Variants in GRAMD1A observed in about 807,000 individuals in gnomAD.
The protein encoded by GRAMD1A is GRAM domain containing 1A.
GRAMD1A carries 50 observed loss-of-function variants against 92.0 expected under a neutral mutation model. The ratio of observed to expected loss-of-function variants is 0.54; its 90% CI spans 0.43 to 0.69. The LOEUF (loss-of-function observed/expected upper bound fraction) is 0.69, where lower values mean the gene tolerates loss of function less well. Ranked by LOEUF, GRAMD1A falls within the 30% of genes least tolerant of loss-of-function variation. The probability of loss-of-function intolerance (pLI) is 0.00; values close to 1 mark genes in which losing one functional copy is unlikely to be tolerated. For missense variants in GRAMD1A, 819 were observed against 978.9 expected (o/e 0.84, Z 2.18); for synonymous variants, 405 against 403.6 (o/e 1.00, Z -0.04).
Position 35,009,144 on chromosome 19 carries a change from A to G in GRAMD1A, c.34A>G (p.Thr12Ala). The change falls in exon 2 of 20, where the codon ACG becomes GCG. Residue 12 changes from threonine (T) to alanine (A), a missense_variant. By Grantham distance (58) the Thr-to-Ala change is moderately conservative. Transcript: ENST00000317991. The stretch of plus-strand genomic sequence containing the variant: ...CACCACACCCCACTCTGGCCGGAGC[A>G]CGCCAAGCAGCTCCCCATCGCTCCG... The part of the protein sequence containing the change: ...FDTTPHSGRS[T>A]PSSSPSLRKR... The G allele has an allele frequency of 6.2e-7, 1 of 1,613,406 alleles. No individual in the cohort carries two copies. Among genetic ancestry groups the G allele is most frequent in the Non-Finnish European group, 8.5e-7 (1 of 1,179,490 alleles).
upstream of GRAMD1A, among the ~76,000 whole-genome samples, chr19:34,998,774 T>G (rs1370430761): frequency 2.8e-4 from 26 of 93,184 alleles, no homozygotes; most frequent in Admixed American, 4.4e-4. Flanking sequence ...GTTTTAGAGG[T>G]GGGGGTTAGC....
chr19:35,019,315 C>T lies in GRAMD1A; in HGVS notation c.1332+6C>T. On this transcript the variant is annotated splice_donor_region_variant and intron_variant, in intron 12 of 19. Coordinates refer to ENST00000317991, the MANE Select transcript of GRAMD1A (RefSeq NM_020895.5). The stretch of plus-strand genomic sequence containing the variant: ...CCTCCGTGGTGGAGACACAGGTGGG[C>T]CAGGTGGGGCAGCCGAGTGGGTGGG... 3.7e-6 allele frequency: 6 copies of T among 1,611,708 alleles called. No homozygotes were observed. Among genetic ancestry groups the T allele is most frequent in the African/African-American group, 2.7e-5 (2 of 75,010 alleles).
chr19:35,010,330 C>T lies in GRAMD1A; in HGVS notation c.476C>T (p.Thr159Met), dbSNP rs755034748. 55 of 1,613,726 alleles carry T rather than the reference C, an allele frequency of 3.4e-5. No homozygotes were observed. In the East Asian group the frequency reaches 7.1e-4, roughly 21 times the overall value. Residue 159 changes from threonine (T) to methionine (M), a missense_variant, in exon 6 of 20, where the codon ACG becomes ATG. Transcript: ENST00000317991. ...GTGACATGTCTGAAGAAGGAAAAGA[C>T]GGCCAAGCTGATCCCCAACGCCATC... Reference protein sequence around the residue: ...KEVTCLKKEKTAKLIPNAIQI... With the variant: ...KEVTCLKKEKMAKLIPNAIQI...
chr19:35,001,118 CTG>C (rs939899775), intron 1 of GRAMD1A: 1 of 152,480 alleles, frequency 6.6e-6, no homozygotes. Context: ...GTGCTTCCGA[CTG>C]TGAATTGTCT....
chr19:35,014,100 G>C lies in GRAMD1A; in HGVS notation c.871-89G>C. The C allele has an allele frequency of 2.4e-6, 3 of 1,262,698 alleles. No individual in the cohort carries two copies. In the East Asian group the frequency reaches 7.1e-5, roughly 30 times the overall value. The allele number at this position is 1,262,698 out of a possible 1,614,324, so 78.2% of individuals were successfully genotyped here. A position where few individuals can be genotyped will look rare whatever the true frequency, so the allele number is the denominator to read the frequency against. ...GCACACACCACCCCGGGTCTGCACA[G>C]GCTCTGGAATCCTTGTGGCCAGTGT... On this transcript the variant is annotated intron_variant, in intron 9 of 19. Coordinates refer to ENST00000317991, the MANE Select transcript of GRAMD1A (RefSeq NM_020895.5).
At chr19:35,001,621 C>A (rs911443251) in intron 1 of GRAMD1A, among the ~76,000 whole-genome samples, 5 of 135,436 alleles carry the variant, frequency 3.7e-5, no homozygotes, top group Admixed American at 3.7e-4. Context: ...TTTTTTTTTT[C>A]TTTTGAAATA....
rs567136894 is a variant in GRAMD1A at position 35,006,845 on chromosome 19, C to T, written c.9-2274C>T. ...ACACTCCAGATAGCCTGGGGTGTGG[C>T]GACAGAGGTGCCTGCCTTAGGCTGG... On this transcript the variant is annotated intron_variant, in intron 1 of 19. Coordinates refer to ENST00000317991, the MANE Select transcript of GRAMD1A (RefSeq NM_020895.5). 2.4e-4 allele frequency among the ~76,000 whole-genome samples: 37 copies of T among 152,228 alleles called. 1 individual carries two copies. In the South Asian group the frequency reaches 5.2e-3, roughly 21 times the overall value.
At chr19:35,007,030 G>C (rs575030030) in intron 1 of GRAMD1A, among the ~76,000 whole-genome samples, 1 of 152,326 alleles carries the variant, frequency 6.6e-6, no homozygotes, top group African/African-American at 2.4e-5. Context: ...GGCCAGGGGA[G>C]AGGAAGGACA....
At chr19:35,014,494 G>A in intron 10 of GRAMD1A, 107 bp downstream of exon 10, 2 of 954,336 alleles carry the variant, frequency 2.1e-6, no homozygotes, top group Non-Finnish European at 3.3e-6. Context: ...CCAGGGGCAG[G>A]CGGGATGGCG....
chr19:35,003,713 G>C (rs1279339347), intron 1 of GRAMD1A, among the ~76,000 whole-genome samples: 1 of 152,194 alleles, frequency 6.6e-6, no homozygotes, highest in Non-Finnish European at 1.5e-5. Flanking sequence ...AGTGCTGTCT[G>C]GGTGAAGCCA....
At chr19:35,006,480 T>C (rs2014825229) in intron 1 of GRAMD1A, among the ~76,000 whole-genome samples, 1 of 152,192 alleles carries the variant, frequency 6.6e-6, no homozygotes, top group South Asian at 2.1e-4. Context: ...GAGCTTGACA[T>C]ATTTCCTGAT....
At chr19:35,009,497 C>T in intron 3 of GRAMD1A, 54 bp downstream of exon 3, 1 of 1,581,242 alleles carries the variant, frequency 6.3e-7, no homozygotes, top group Non-Finnish European at 8.7e-7. Flanking sequence ...GGGTGCTGGG[C>T]CAGGAGCCCC....
At chr19:35,009,350 G>A in intron 2 of GRAMD1A, 21 bp downstream of exon 2, 1 of 1,613,686 alleles carries the variant, frequency 6.2e-7, no homozygotes, top group East Asian at 2.2e-5. Flanking sequence ...GCCCAGGTGG[G>A]GTGGGGAGAG....
chr19:35,012,513 G>A (rs530021252), intron 7 of GRAMD1A, among the ~76,000 whole-genome samples: 1 of 152,350 alleles, frequency 6.6e-6, no homozygotes, highest in Non-Finnish European at 1.5e-5. Flanking sequence ...CAAGGCTCCC[G>A]AGGACACCTG....
At chr19:35,024,479 T>TGCG in intron 19 of GRAMD1A, among the ~76,000 whole-genome samples, 1 of 149,256 alleles carries the variant, frequency 6.7e-6, no homozygotes, top group Non-Finnish European at 1.5e-5. Flanking sequence ...GGCCAGCAGT[T>TGCG]GTGGTGGGTC....
At chr19:35,024,055 A>T (rs2016273659) in intron 19 of GRAMD1A, among the ~76,000 whole-genome samples, 1 of 152,206 alleles carries the variant, frequency 6.6e-6, no homozygotes, top group African/African-American at 2.4e-5. Flanking sequence ...AGACTCTCCA[A>T]AGGACCTGAG....
intron 17 of GRAMD1A, 101 bp downstream of exon 17, chr19:35,023,012 G>A (rs911244025): frequency 3.1e-5 from 31 of 995,020 alleles, no homozygotes; most frequent in Non-Finnish European, 4.6e-5. Context: ...CCAGGGAGGT[G>A]GCCTGGCATG....
chr19:34,998,611 ATAT>A (rs2014143007), upstream of GRAMD1A: 1 of 152,086 alleles, frequency 6.6e-6, no homozygotes. Flanking sequence ...CCTGAAATAA[ATAT>A]TATTTAATTA....
Position 35,021,805 on chromosome 19 carries a change from G to A in GRAMD1A, c.1694G>A (p.Gly565Glu), listed in dbSNP as rs770095395. The change falls in exon 15 of 20, where the codon GGG (glycine) becomes GAG (glutamate). Residue 565 changes from glycine to glutamate, a missense_variant. Gly to Glu is a moderately conservative substitution (Grantham distance 98). Coordinates refer to ENST00000317991, the MANE Select transcript of GRAMD1A (RefSeq NM_020895.5). The surrounding 1 kb of genome is among the most constrained non-coding windows in gnomAD (Gnocchi z 5.3). ...CGGCCCCTGAGCTGGCGGGCTCACG[G>A]GGACGGGCCCCAGCACCCAGATCCT... ...RKRPLSWRAH[G>E]DGPQHPDPDP... 40 of 1,609,786 alleles carry A rather than the reference G, an allele frequency of 2.5e-5. No homozygotes were observed. The highest frequency in any genetic ancestry group is 3.2e-5 in the Non-Finnish European group (38 of 1,178,236).
Sources: allele counts gnomAD v4.1 joint callset (sites outside exome capture counted in the v4.1 genomes callset), GRCh38; gene constraint gnomAD v4.1.1; non-coding constraint Gnocchi (gnomAD v3.1); transcripts MANE v1.5; gene names NCBI Gene and HGNC (gene_info 2026-07-23, HGNC 2026-07-21).